Variants in SCGN observed in about 807,000 individuals in gnomAD.
The protein encoded by SCGN is secretagogin, EF-hand calcium binding protein.
Under a neutral mutation model 39.7 loss-of-function variants are expected in SCGN, and 30 were observed. The ratio of observed to expected loss-of-function variants is 0.76; its 90% CI spans 0.57 to 1.03. The LOEUF (loss-of-function observed/expected upper bound fraction) is 1.03, where lower values mean the gene tolerates loss of function less well. Among genes scored for constraint, SCGN ranks in the 50% least tolerant of loss-of-function variants. The probability of loss-of-function intolerance (pLI) is 0.00; values close to 1 mark genes in which losing one functional copy is unlikely to be tolerated. For missense variants in SCGN, 353 were observed against 349.4 expected, an observed-to-expected ratio of 1.01 and a Z score of -0.08; for synonymous variants, 106 against 114.1, an observed-to-expected ratio of 0.93 and a Z score of 0.45.
intron 4 of SCGN, among the ~76,000 whole-genome samples, chr6:25,669,259 T>G (rs1013116035): frequency 6.6e-6 from 1 of 152,214 alleles, no homozygotes; most frequent in African/African-American, 2.4e-5. Flanking sequence ...ACACTTTTGA[T>G]GAAAGCCCAC....
At chr6:25,676,898 G>A (rs1483832206) in intron 6 of SCGN, among the ~76,000 whole-genome samples, 2 of 152,080 alleles carry the variant, frequency 1.3e-5, no homozygotes, top group African/African-American at 2.4e-5. Context: ...ATGAATGAAC[G>A]CACGAATAAA....
In SCGN at chr6:25,691,126, T is replaced by A. The variant is rs1561769874; in HGVS notation, c.702+2T>A. 1 of 1,609,124 alleles carries A rather than the reference T, an allele frequency of 6.2e-7. No homozygotes were observed. The highest frequency in any genetic ancestry group is 8.5e-7 in the Non-Finnish European group (1 of 1,175,542). On this transcript the variant is annotated splice_donor_variant, in intron 10 of 10. Transcript: ENST00000377961. LOFTEE classifies it high-confidence loss of function. ...AAAGACATGATGGAGCTTGTCCAGG[T>A]GAGTGCACGTTCTTCTTATTATGAA...
chr6:25,688,733 C>G (rs886842717), intron 7 of SCGN, among the ~76,000 whole-genome samples: 2 of 143,010 alleles, frequency 1.4e-5, no homozygotes, highest in Non-Finnish European at 1.5e-5. Context: ...ACCTGGGAGG[C>G]GGAGCTTGCA....
At chr6:25,672,986 G>A in intron 6 of SCGN, among the ~76,000 whole-genome samples, 1 of 152,178 alleles carries the variant, frequency 6.6e-6, no homozygotes, top group Non-Finnish European at 1.5e-5. Flanking sequence ...GACTCCTCAA[G>A]GGTGAGGAGA....
chr6:25,653,549 T>C, intron 2 of SCGN, 97 bp downstream of exon 2: 1 of 822,236 alleles, frequency 1.2e-6, no homozygotes, highest in East Asian at 2.6e-5. Context: ...CCAACTCACC[T>C]CCTTTCTTCC....
At chr6:25,689,118 G>A in intron 7 of SCGN, 54 bp from the exon 8 acceptor site, 1 of 1,307,320 alleles carries the variant, frequency 7.6e-7, no homozygotes, top group Admixed American at 1.9e-5. Context: ...ATAAGTTTTC[G>A]TATAACTGAG....
chr6:25,656,897 G>A (rs1760237141), intron 2 of SCGN, among the ~76,000 whole-genome samples: 1 of 152,130 alleles, frequency 6.6e-6, no homozygotes, highest in South Asian at 2.1e-4. Flanking sequence ...CTTCCTTTGG[G>A]AATTCCCAGC....
chr6:25,668,257 A>C (rs1373179694), intron 4 of SCGN, among the ~76,000 whole-genome samples: 1 of 152,216 alleles, frequency 6.6e-6, no homozygotes, highest in African/African-American at 2.4e-5. Flanking sequence ...CATTTTGTAC[A>C]AGAGTTAATG....
intron 7 of SCGN, among the ~76,000 whole-genome samples, chr6:25,686,902 T>C (rs1759712876): frequency 6.6e-6 from 1 of 152,164 alleles, no homozygotes; most frequent in Admixed American, 6.5e-5. Flanking sequence ...ACAATTTCAT[T>C]ATTTTGCATG....
At chr6:25,674,688 AGCATGACTAATGAGTGAG>A (rs1759542789) in intron 6 of SCGN, among the ~76,000 whole-genome samples, 1 of 152,244 alleles carries the variant, frequency 6.6e-6, no homozygotes, top group Non-Finnish European at 1.5e-5. Context: ...AACTGGCTGA[AGCATGACTAATGAGTGAG>A]TTAAGGCAGA....
intron 7 of SCGN, among the ~76,000 whole-genome samples, chr6:25,687,091 T>C (rs1041484815): frequency 2.0e-5 from 3 of 152,192 alleles, no homozygotes; most frequent in African/African-American, 7.2e-5. Flanking sequence ...ATTCTGTAGA[T>C]TTGCAGGCAA....
intron 6 of SCGN, among the ~76,000 whole-genome samples, chr6:25,676,887 A>G (rs887613106): frequency 6.6e-6 from 1 of 152,194 alleles, no homozygotes; most frequent in Non-Finnish European, 1.5e-5. Context: ...ATATTTGTTA[A>G]ATGAATGAAC....
intron 6 of SCGN, 66 bp downstream of exon 6, chr6:25,670,142 C>T (rs1759476053): frequency 1.6e-5 from 18 of 1,097,006 alleles, no homozygotes; most frequent in Non-Finnish European, 2.5e-5. Flanking sequence ...ACCCCAGAAA[C>T]AGTGTCTGCT....
intron 7 of SCGN, among the ~76,000 whole-genome samples, chr6:25,686,209 T>C (rs1366084884): frequency 6.6e-6 from 1 of 152,214 alleles, no homozygotes; most frequent in Non-Finnish European, 1.5e-5. Flanking sequence ...AATATACGTT[T>C]GTGATTCTCT....
intron 6 of SCGN, chr6:25,679,023 C>G (rs1582582404): frequency 6.6e-6 from 1 of 151,662 alleles, no homozygotes; most frequent in African/African-American, 2.4e-5. Flanking sequence ...ACTAGATAAG[C>G]TAGAGAACAC....
At position 25,652,238 on chromosome 6, in the gene SCGN, G is replaced by A; in HGVS notation, c.-166G>A. 1 of 612,010 alleles carries A rather than the reference G, an allele frequency of 1.6e-6. No individual in the cohort carries two copies. Among genetic ancestry groups the A allele is most frequent in the Non-Finnish European group, 2.9e-6 (1 of 346,840 alleles). 37.9% of individuals were successfully genotyped at this position (612,010 alleles called of 1,614,324 possible). ...TTGCTGAGGGCTGAGGGACGGCTCA[G>A]CGACGCCACGGCCAGCAGCGCTCGC... On this transcript the variant is annotated 5_prime_UTR_variant, in exon 1 of 11. Transcript: ENST00000377961.
intron 6 of SCGN, 87 bp downstream of exon 6, chr6:25,670,163 TC>T: frequency 2.1e-6 from 2 of 941,382 alleles, no homozygotes; most frequent in Non-Finnish European, 3.5e-6. Flanking sequence ...AGAGAGTTCG[TC>T]CTTGAGAAAT....
chr6:25,661,702 A>C (rs1175962174), intron 3 of SCGN, 58 bp downstream of exon 3: 9 of 1,145,938 alleles, frequency 7.9e-6, no homozygotes, highest in Non-Finnish European at 1.2e-5. Flanking sequence ...TTTTTTCTTT[A>C]CTTTATCGTC....
At chr6:25,674,112 A>T (rs1409707243) in intron 6 of SCGN, among the ~76,000 whole-genome samples, 1 of 151,978 alleles carries the variant, frequency 6.6e-6, no homozygotes, top group Non-Finnish European at 1.5e-5. Flanking sequence ...ATGATTCATC[A>T]CCTCCCATCA....
Sources: gnomAD v4.1 joint callset for allele counts (sites outside exome capture counted in the v4.1 genomes callset) on GRCh38, gnomAD v4.1.1 for gene constraint, MANE v1.5 for transcripts, NCBI Gene and HGNC (gene_info 2026-07-23, HGNC 2026-07-21) for gene names.